CPEB4: variants seen among roughly 807,000 people sequenced by gnomAD.
CPEB4 encodes cytoplasmic polyadenylation element binding protein 4.
CPEB4 carries 12 observed loss-of-function variants against 72.5 expected under a neutral mutation model. The ratio of observed to expected loss-of-function variants is 0.17; its 90% CI spans 0.11 to 0.27. The LOEUF (loss-of-function observed/expected upper bound fraction) is 0.27. CPEB4 is among the 10% of genes least tolerant of loss of function. CPEB4 has a pLI of 1.00. For synonymous variants in CPEB4, 302 were observed against 326.3 expected (o/e 0.93, Z 0.80); for missense variants, 614 against 908.5 (o/e 0.68, Z 4.17).
intron 2 of CPEB4, among the ~76,000 whole-genome samples, chr5:173,912,469 G>T (rs1756696445): frequency 6.6e-6 from 1 of 152,036 alleles, no homozygotes; most frequent in Non-Finnish European, 1.5e-5. Context: ...AACTTGCTGT[G>T]AATCTATAAT....
chr5:173,955,275 G>T lies in CPEB4; in HGVS notation c.1963-635G>T, dbSNP rs1029082965. Among the ~76,000 whole-genome samples the T allele has an allele frequency of 6.6e-6, 1 of 152,114 alleles. No individual in the cohort carries two copies. Among genetic ancestry groups the T allele is most frequent in the Non-Finnish European group, 1.5e-5 (1 of 68,028 alleles). On this transcript the variant is annotated intron_variant, in intron 9 of 9. Transcript: ENST00000265085. The surrounding 1 kb of genome is among the most constrained non-coding windows in gnomAD (Gnocchi z 4.7). The stretch of plus-strand genomic sequence containing the variant: ...ATTCACCTCTGACTTTTAGACTCAG[G>T]TGAACCATTCTTACTGAGAAAGAAC...
intron 3 of CPEB4, among the ~76,000 whole-genome samples, chr5:173,938,184 A>G (rs190640063): frequency 9.9e-5 from 15 of 151,984 alleles, no homozygotes; most frequent in Admixed American, 8.5e-4. Flanking sequence ...CTCTCCCCAT[A>G]TATTTTCTTT....
At chr5:173,917,094 T>C (rs1477485826) in intron 2 of CPEB4, among the ~76,000 whole-genome samples, 2 of 152,184 alleles carry the variant, frequency 1.3e-5, no homozygotes, top group Non-Finnish European at 2.9e-5. Flanking sequence ...CAGGCTGAAA[T>C]AGCTCTGGAA....
At chr5:173,910,686 C>T (rs1427417591) in intron 2 of CPEB4, 82 bp downstream of exon 2, 2 of 887,524 alleles carry the variant, frequency 2.3e-6, no homozygotes, top group Non-Finnish European at 3.7e-6. Flanking sequence ...CACAGTATGG[C>T]AAATATTATG....
intron 2 of CPEB4, among the ~76,000 whole-genome samples, chr5:173,929,972 A>T (rs1341636500): frequency 6.6e-6 from 1 of 152,146 alleles, no homozygotes; most frequent in African/African-American, 2.4e-5. Flanking sequence ...AGAAGTATAA[A>T]ATCTCTATAT....
rs750135346 is a variant in CPEB4, at chr5:173,890,634, C to T, written c.901C>T (p.Pro301Ser). 4 of 1,613,978 alleles carry T rather than the reference C, an allele frequency of 2.5e-6. No homozygotes were observed. The highest frequency in any genetic ancestry group is 2.2e-5 in the East Asian group (1 of 44,890). ...ACCAACACCCTCCTCTTCCTGGAGC[C>T]CGGGCGGTGGTGGATATGGTGGCTG... ...PSPTPSSSWS[P>S]GGGGYGGWGG... The change falls in exon 1 of 10, where the codon CCG becomes TCG. Residue 301 changes from proline (P) to serine (S), a missense_variant. By Grantham distance (74) the Pro-to-Ser change is moderately conservative. Coordinates refer to ENST00000265085, the MANE Select transcript of CPEB4 (RefSeq NM_030627.4).
intron 3 of CPEB4, among the ~76,000 whole-genome samples, chr5:173,939,890 T>C (rs114320169): frequency 0.015 from 2,232 of 151,250 alleles, 57 homozygotes; most frequent in African/African-American, 0.051. Flanking sequence ...AGTGGGCAGA[T>C]TGCCTGAGCT....
chr5:173,943,489 A>G lies in CPEB4; in HGVS notation c.1282+440A>G, dbSNP rs7716736. 6.5e-3 allele frequency among the ~76,000 whole-genome samples: 987 copies of G among 152,238 alleles called. 8 individuals are homozygous for G. Among genetic ancestry groups the G allele is most frequent in the African/African-American group, 0.023 (955 of 41,552 alleles). On this transcript the variant is annotated intron_variant, in intron 4 of 9. Transcript: ENST00000265085. ...TTCTTTTTTACTAAGTAAACAATACATGTGGTTTAAAATGAGATGAGCTAA... is the reference window on the plus strand; with the variant it reads ...TTCTTTTTTACTAAGTAAACAATACGTGTGGTTTAAAATGAGATGAGCTAA...
chr5:173,903,000 A>T (rs778350267), intron 1 of CPEB4, among the ~76,000 whole-genome samples: 2 of 151,572 alleles, frequency 1.3e-5, no homozygotes, highest in South Asian at 2.1e-4. Context: ...ACCAGTTGTG[A>T]GAGAGAGAAG....
chr5:173,916,697 A>G (rs933794819), intron 2 of CPEB4, among the ~76,000 whole-genome samples: 1 of 152,242 alleles, frequency 6.6e-6, no homozygotes, highest in Non-Finnish European at 1.5e-5. Context: ...ATGAGTGGGC[A>G]AGTGATGATT....
chr5:173,888,433 GCA>G lies in CPEB4; in HGVS notation c.-1300_-1299del. The stretch of plus-strand genomic sequence containing the variant: ...GGCGGTGGCGGCGGCGGCGGCGGCA[GCA>G]GCGGCGACAGCAGAGGAGGAAGAGG... On this transcript the variant is annotated 5_prime_UTR_variant, in exon 1 of 10. Transcript: ENST00000265085. The surrounding 1 kb of genome is among the most constrained non-coding windows in gnomAD (Gnocchi z 4.3). 2.2e-6 allele frequency: 1 copy of G among 458,352 alleles called. No homozygotes were observed. The highest frequency in any genetic ancestry group is 5.3e-5 in the South Asian group (1 of 18,794). The allele number at this position is 458,352 out of a possible 1,614,324, so 28.4% of individuals were successfully genotyped here. A position where few individuals can be genotyped will look rare whatever the true frequency, so the allele number is the denominator to read the frequency against.
At chr5:173,923,346 G>C (rs1424524413) in intron 2 of CPEB4, among the ~76,000 whole-genome samples, 18 of 152,280 alleles carry the variant, frequency 1.2e-4, no homozygotes, top group African/African-American at 4.1e-4. Context: ...TCTGTAGTCA[G>C]AGAAAAGTCT....
chr5:173,940,296 G>A (rs976130345), intron 3 of CPEB4, among the ~76,000 whole-genome samples: 1 of 152,124 alleles, frequency 6.6e-6, no homozygotes, highest in African/African-American at 2.4e-5. Context: ...GGCTGACTTA[G>A]AACTTTTCCA....
Position 173,957,436 on chromosome 5 carries a change from C to T in CPEB4, c.*1299C>T, listed in dbSNP as rs1425792177. On this transcript the variant is annotated 3_prime_UTR_variant, in exon 10 of 10. Coordinates refer to ENST00000265085, the MANE Select transcript of CPEB4 (RefSeq NM_030627.4). Reference sequence around the variant, plus strand: ...CTTCCTATAAACTAAAATAACATTACAGTTTCCGAATTTAGCATGGGACAT... The same window carrying T: ...CTTCCTATAAACTAAAATAACATTATAGTTTCCGAATTTAGCATGGGACAT... 1 of 152,736 alleles carries T rather than the reference C, an allele frequency of 6.5e-6. No homozygotes were observed. The highest frequency in any genetic ancestry group is 6.5e-5 in the Admixed American group (1 of 15,278). 9.5% of individuals were successfully genotyped at this position (152,736 alleles called of 1,614,324 possible).
In CPEB4 at chr5:173,959,405, A is replaced by AT. The variant is rs1298364087; in HGVS notation, c.*3272dup. 1 of 152,778 alleles carries AT rather than the reference A, an allele frequency of 6.5e-6. No homozygotes were observed. The highest frequency in any genetic ancestry group is 1.9e-4 in the East Asian group (1 of 5,338). 9.5% of individuals were successfully genotyped at this position (152,778 alleles called of 1,614,324 possible). On this transcript the variant is annotated 3_prime_UTR_variant, in exon 10 of 10. Coordinates refer to ENST00000265085, the MANE Select transcript of CPEB4 (RefSeq NM_030627.4). ...AAAACTTGCAGTGAATGAATTTAGC[A>AT]TTTTATGAGAGTGCTGTTGGAAAGA...
chr5:173,944,752 G>A (rs542687230), intron 4 of CPEB4, among the ~76,000 whole-genome samples: 10 of 152,200 alleles, frequency 6.6e-5, no homozygotes, highest in East Asian at 1.9e-4. Flanking sequence ...TACTTGAGTC[G>A]CCTTCTATTA....
chr5:173,951,261 G>T (rs1277001550), intron 7 of CPEB4, among the ~76,000 whole-genome samples: 1 of 152,074 alleles, frequency 6.6e-6, no homozygotes, highest in Non-Finnish European at 1.5e-5. Flanking sequence ...TTTTAAATGA[G>T]GTACATGATT....
chr5:173,888,780 G>T lies in CPEB4; in HGVS notation c.-954G>T, dbSNP rs1755698556. On this transcript the variant is annotated 5_prime_UTR_variant, in exon 1 of 10. Coordinates refer to ENST00000265085, the MANE Select transcript of CPEB4 (RefSeq NM_030627.4). This position sits in a 1 kb window ranked among gnomAD's most constrained non-coding sequence, Gnocchi z 4.3. Reference sequence around the variant, plus strand: ...CATGAGGGAAAAAAACCCCGGAGCCGCAGAGAGGGGAAGAGGCAGAAACCG... The same window carrying T: ...CATGAGGGAAAAAAACCCCGGAGCCTCAGAGAGGGGAAGAGGCAGAAACCG... 1 of 368,832 alleles carries T rather than the reference G, an allele frequency of 2.7e-6. No individual in the cohort carries two copies. The highest frequency in any genetic ancestry group is 4.8e-6 in the Non-Finnish European group (1 of 207,890). The allele number at this position is 368,832 out of a possible 1,614,324, so 22.8% of individuals were successfully genotyped here. A position where few individuals can be genotyped will look rare whatever the true frequency, so the allele number is the denominator to read the frequency against.
chr5:173,950,204 T>C lies in CPEB4; in HGVS notation c.1665+126T>C, dbSNP rs73808319. 1,378 of 579,038 alleles carry C rather than the reference T, an allele frequency of 2.4e-3. 9 individuals are homozygous for C. The highest frequency in any genetic ancestry group is 0.018 in the African/African-American group (941 of 51,692). The allele number at this position is 579,038 out of a possible 1,614,324, so 35.9% of individuals were successfully genotyped here. ...TTGACATGTTTGTAAGCAGACTAAG[T>C]AGTCTTGTTGTGAAGTTCTTAACAT... On this transcript the variant is annotated intron_variant, in intron 7 of 9. Transcript: ENST00000265085. This position sits in a 1 kb window ranked among gnomAD's most constrained non-coding sequence, Gnocchi z 5.0.
Sources: allele counts gnomAD v4.1 joint callset (sites outside exome capture counted in the v4.1 genomes callset), GRCh38; gene constraint gnomAD v4.1.1; non-coding constraint Gnocchi (gnomAD v3.1); transcripts MANE v1.5; gene names NCBI Gene and HGNC (gene_info 2026-07-23, HGNC 2026-07-21).